ESRP2: variants seen among roughly 807,000 people sequenced by gnomAD.
ESRP2 encodes the protein RNA binding motif protein 35A.
A neutral mutation model predicts 78.6 loss-of-function variants in ESRP2; 48 were observed. The ratio of observed to expected loss-of-function variants is 0.61; its 90% CI spans 0.48 to 0.78. ESRP2 has a LOEUF of 0.78. ESRP2 is among the 30% of genes least tolerant of loss of function. ESRP2 has a pLI of 0.00. For synonymous variants in ESRP2, 383 were observed against 406.7 expected (o/e 0.94, Z 0.70); for missense variants, 863 against 965.9 (o/e 0.89, Z 1.41).
chr16:68,234,316 C>T (rs2042191582), intron 2 of ESRP2: 2 of 572,642 alleles, frequency 3.5e-6, no homozygotes, highest in Non-Finnish European at 6.2e-6. Flanking sequence ...ACTGTCACCT[C>T]CTCCAGGCCA....
Position 68,231,905 on chromosome 16 carries a change from A to G in ESRP2, c.1196T>C (p.Phe399Ser), listed in dbSNP as rs371881233. The change falls in exon 10 of 15, where the codon TTT (phenylalanine) becomes TCT (serine). Residue 399 changes from phenylalanine to serine, a missense_variant. Phe to Ser is a radical substitution (Grantham distance 155). Coordinates refer to ENST00000473183, the MANE Select transcript of ESRP2 (RefSeq NM_024939.3). The surrounding 1 kb of genome is among the most constrained non-coding windows in gnomAD (Gnocchi z 6.0). Reference protein sequence around the residue: ...GRPTGDAFALFACEELAQAAL... With the variant: ...GRPTGDAFALSACEELAQAAL... ...AGCCTGTGCCAGCTCCTCACAAGCA[A>G]AGAGGGCGAAGGCATCACCAGTCGG... The G allele has an allele frequency of 1.2e-6, 2 of 1,613,846 alleles. No homozygotes were observed. The highest frequency in any genetic ancestry group is 1.7e-6 in the Non-Finnish European group (2 of 1,179,996).
At chr16:68,230,606 C>T (rs775895529) in intron 13 of ESRP2, 52 bp from the exon 14 acceptor site, 24 of 1,517,084 alleles carry the variant, frequency 1.6e-5, no homozygotes, top group East Asian at 2.3e-5. Context: ...TGGCCTAGAC[C>T]GAGACCTGTT....
At position 68,235,622 on chromosome 16, in the gene ESRP2, C is replaced by G. The variant is rs528133731; in HGVS notation, c.327+12G>C. Reference sequence around the variant, plus strand: ...ACGTCCAGGCCATGCCGCCACCCACCCCGGCGCTCACCTGCTGCAGCACCT... The same window carrying G: ...ACGTCCAGGCCATGCCGCCACCCACGCCGGCGCTCACCTGCTGCAGCACCT... On this transcript the variant is annotated intron_variant, in intron 2 of 14. Transcript: ENST00000473183. The surrounding 1 kb of genome is among the most constrained non-coding windows in gnomAD (Gnocchi z 5.5). The G allele has an allele frequency of 2.1e-5, 34 of 1,596,808 alleles. No homozygotes were observed. In the East Asian group the frequency reaches 6.2e-4, roughly 29 times the overall value.
chr16:68,235,470 A>G lies in ESRP2; in HGVS notation c.327+164T>C, dbSNP rs563220103. On this transcript the variant is annotated intron_variant, in intron 2 of 14. Coordinates refer to ENST00000473183, the MANE Select transcript of ESRP2 (RefSeq NM_024939.3). This position sits in a 1 kb window ranked among gnomAD's most constrained non-coding sequence, Gnocchi z 5.5. ...GGGGAATGGCTGGCACGCGCGGATGAAAGGGGCACGCACACGCGAGAGTCG... is the reference window on the plus strand; with the variant it reads ...GGGGAATGGCTGGCACGCGCGGATGGAAGGGGCACGCACACGCGAGAGTCG... The G allele has an allele frequency of 2.0e-6, 2 of 985,444 alleles. No individual in the cohort carries two copies. The highest frequency in any genetic ancestry group is 2.3e-4 in the East Asian group (2 of 8,814). 61.0% of individuals were successfully genotyped at this position (985,444 alleles called of 1,614,324 possible).
At position 68,230,865 on chromosome 16, in the gene ESRP2, A is replaced by G. The variant is rs1194350974; in HGVS notation, c.1874T>C (p.Leu625Pro). The G allele has an allele frequency of 6.2e-7, 1 of 1,613,900 alleles. No homozygotes were observed. Among genetic ancestry groups the G allele is most frequent in the African/African-American group, 1.3e-5 (1 of 74,946 alleles). The change falls in exon 13 of 15, where the codon CTG becomes CCG. Residue 625 changes from leucine (L) to proline (P), a missense_variant. Physicochemically the swap from Leu to Pro is moderately conservative, Grantham distance 98. Transcript: ENST00000473183. Reference sequence around the variant, plus strand: ...CCTTGGGTAGTAGGCTGTGTAGTTCAGGTAGAGTTGAGTGGCTGGCCCTGG... The same window carrying G: ...CCTTGGGTAGTAGGCTGTGTAGTTCGGGTAGAGTTGAGTGGCTGGCCCTGG... ...YYPGPATQLY[L>P]NYTAYYPSPP...
chr16:68,232,636 C>A lies in ESRP2; in HGVS notation c.762G>T (p.Leu254Phe). The change falls in exon 7 of 15, where the codon TTG (leucine) becomes TTT (phenylalanine). Residue 254 changes from leucine to phenylalanine, a missense_variant. By Grantham distance (22) the Leu-to-Phe change is conservative. Coordinates refer to ENST00000473183, the MANE Select transcript of ESRP2 (RefSeq NM_024939.3). This position sits in a 1 kb window ranked among gnomAD's most constrained non-coding sequence, Gnocchi z 5.2. The part of the protein sequence containing the change: ...DSETVVRARG[L>F]PWQSSDQDVA... Reference sequence around the variant, plus strand: ...CGTCCTGGTCTGATGACTGCCACGGCAACCCACGAGCCCGTACCACAGTCT... The same window carrying A: ...CGTCCTGGTCTGATGACTGCCACGGAAACCCACGAGCCCGTACCACAGTCT... The A allele has an allele frequency of 6.2e-7, 1 of 1,614,228 alleles. No homozygotes were observed. The highest frequency in any genetic ancestry group is 8.5e-7 in the Non-Finnish European group (1 of 1,180,048).
rs142168544 is a variant in ESRP2 at position 68,231,331 on chromosome 16, G to T, written c.1558C>A (p.Arg520=). ...CAACGCTGAGCAGCAGCTAGGGCTC[G>T]CTCTGCTGATGTCATCTGAATGAAG... ...DAFIQMTSAE[R]ALAAAQRCHK... The change falls in exon 12 of 15, where the codon CGA becomes AGA. Residue 520 remains arginine, a synonymous_variant. Coordinates refer to ENST00000473183, the MANE Select transcript of ESRP2 (RefSeq NM_024939.3). The surrounding 1 kb of genome is among the most constrained non-coding windows in gnomAD (Gnocchi z 6.0). 23 of 1,614,128 alleles carry T rather than the reference G, an allele frequency of 1.4e-5. 1 individual carries two copies. The African/African-American group carries it at 2.3e-4, about 16-fold the overall frequency.
In ESRP2 at chr16:68,233,311, G is replaced by A. The variant is rs776521178; in HGVS notation, c.655+16C>T. 9 of 1,591,422 alleles carry A rather than the reference G, an allele frequency of 5.7e-6. No individual in the cohort carries two copies. The Admixed American group carries it at 1.5e-4, about 27-fold the overall frequency. The stretch of plus-strand genomic sequence containing the variant: ...CATCCCTGAGAACAGGTGACAGGCA[G>A]TGAGGGAAACCTTACTGCTGGGCTC... On this transcript the variant is annotated intron_variant, in intron 5 of 14. Transcript: ENST00000473183.
chr16:68,230,075 A>G lies in ESRP2; in HGVS notation c.*151T>C, dbSNP rs1490891566. The G allele has an allele frequency of 1.5e-6, 1 of 679,242 alleles. No homozygotes were observed. Among genetic ancestry groups the G allele is most frequent in the Non-Finnish European group, 2.6e-6 (1 of 386,306 alleles). The allele number at this position is 679,242 out of a possible 1,614,324, so 42.1% of individuals were successfully genotyped here. On this transcript the variant is annotated 3_prime_UTR_variant, in exon 15 of 15. Transcript: ENST00000473183. ...GGGAAACAGGCAGAATAAGTGGAGG[A>G]TGGAGCTGGGGCTTGGGCTCCTCTA...
Position 68,235,913 on chromosome 16 carries a change from GGTCCC to G in ESRP2, c.128_132del (p.Arg43ProfsTer17). The stretch of plus-strand genomic sequence containing the variant: ...ATTAAGTCGGTCTCGTCCGAGCCCA[GGTCCC>G]GTCCCAGCGCACCCGCCGTAGCCCC... On this transcript the variant is annotated frameshift_variant, in exon 1 of 15. Coordinates refer to ENST00000473183, the MANE Select transcript of ESRP2 (RefSeq NM_024939.3). LOFTEE classifies it high-confidence loss of function. This position sits in a 1 kb window ranked among gnomAD's most constrained non-coding sequence, Gnocchi z 5.5. 4 of 1,609,194 alleles carry G rather than the reference GGTCCC, an allele frequency of 2.5e-6. No homozygotes were observed. The highest frequency in any genetic ancestry group is 2.5e-6 in the Non-Finnish European group (3 of 1,178,610).
Position 68,232,447 on chromosome 16 carries a change from A to G in ESRP2, c.878T>C (p.Ile293Thr). The change falls in exon 8 of 15, where the codon ATC becomes ACC. Residue 293 changes from isoleucine to threonine, a missense_variant. Physicochemically the swap from Ile to Thr is moderately conservative, Grantham distance 89 (BLOSUM62 -1). Transcript: ENST00000473183. This position sits in a 1 kb window ranked among gnomAD's most constrained non-coding sequence, Gnocchi z 5.2. The part of the protein sequence containing the change: ...AQGRRNGEAL[I>T]RFVDSEQRDL... ...CCGCTGCTCGCTGTCCACAAAGCGGATGAGGGCCTCGCCATTTCTGCGGCC... is the reference window on the plus strand; with the variant it reads ...CCGCTGCTCGCTGTCCACAAAGCGGGTGAGGGCCTCGCCATTTCTGCGGCC... The G allele has an allele frequency of 6.2e-7, 1 of 1,614,162 alleles. No homozygotes were observed. The highest frequency in any genetic ancestry group is 8.5e-7 in the Non-Finnish European group (1 of 1,180,026).
At position 68,235,931 on chromosome 16, in the gene ESRP2, C is replaced by T; in HGVS notation, c.115G>A (p.Gly39Ser). The change falls in exon 1 of 15, where the codon GGT (glycine) becomes AGT (serine). Residue 39 changes from glycine to serine, a missense_variant. By Grantham distance (56) the Gly-to-Ser change is moderately conservative. Coordinates refer to ENST00000473183, the MANE Select transcript of ESRP2 (RefSeq NM_024939.3). This position sits in a 1 kb window ranked among gnomAD's most constrained non-coding sequence, Gnocchi z 5.5. ...GAGCCCAGGTCCCGTCCCAGCGCAC[C>T]CGCCGTAGCCCCGAAGAGGACGACC... ...SLVVLFGATA[G>S]ALGRDLGSDE... is the part of the protein sequence containing the mutation. The T allele has an allele frequency of 6.2e-7, 1 of 1,611,610 alleles. No individual in the cohort carries two copies. The highest frequency in any genetic ancestry group is 8.5e-7 in the Non-Finnish European group (1 of 1,179,508).
chr16:68,235,549 C>T lies in ESRP2; in HGVS notation c.327+85G>A. On this transcript the variant is annotated intron_variant, in intron 2 of 14. Transcript: ENST00000473183. The surrounding 1 kb of genome is among the most constrained non-coding windows in gnomAD (Gnocchi z 5.5). ...TGCCGCCTGGACCGGTTGGTTGCGG[C>T]ACGCCAGGCCTAGCCTCCGGCCGCC... 4.5e-6 allele frequency: 7 copies of T among 1,544,212 alleles called. No homozygotes were observed. Among genetic ancestry groups the T allele is most frequent in the East Asian group, 4.7e-5 (2 of 42,888 alleles).
At position 68,235,114 on chromosome 16, in the gene ESRP2, A is replaced by G; in HGVS notation, c.327+520T>C. The G allele has an allele frequency of 3.0e-6, 3 of 989,910 alleles. No individual in the cohort carries two copies. The highest frequency in any genetic ancestry group is 3.5e-5 in the African/African-American group (2 of 57,362). 61.3% of individuals were successfully genotyped at this position (989,910 alleles called of 1,614,324 possible). A position where few individuals can be genotyped will look rare whatever the true frequency, so the allele number is the denominator to read the frequency against. On this transcript the variant is annotated intron_variant, in intron 2 of 14. Coordinates refer to ENST00000473183, the MANE Select transcript of ESRP2 (RefSeq NM_024939.3). This position sits in a 1 kb window ranked among gnomAD's most constrained non-coding sequence, Gnocchi z 5.5. ...ATAGTCCCCCAGGCCAGGCCGGGAC[A>G]GCGCCCACGCCTGGCCAGCCGGCCG...
rs1282934757 is a variant in ESRP2 at position 68,232,765 on chromosome 16, G to GCC, written c.704_705dup (p.Pro236GlyfsTer43). ...AGCCCCTGCTCCCACACTCACCAAG[G>GCC]CCCCGTCTCGTATTTCTGCTTTATC... On this transcript the variant is annotated frameshift_variant, in exon 6 of 15. Coordinates refer to ENST00000473183, the MANE Select transcript of ESRP2 (RefSeq NM_024939.3). LOFTEE classifies it high-confidence loss of function. The surrounding 1 kb of genome is among the most constrained non-coding windows in gnomAD (Gnocchi z 5.2). The GCC allele has an allele frequency of 6.2e-7, 1 of 1,614,114 alleles. No homozygotes were observed. Among genetic ancestry groups the GCC allele is most frequent in the Non-Finnish European group, 8.5e-7 (1 of 1,180,054 alleles).
At position 68,229,985 on chromosome 16, in the gene ESRP2, A is replaced by G; in HGVS notation, c.*241T>C. On this transcript the variant is annotated 3_prime_UTR_variant, in exon 15 of 15. Transcript: ENST00000473183. The stretch of plus-strand genomic sequence containing the variant: ...CCAGTCAAGATGCCTGGCTCAGGCC[A>G]TCAGGAGCTGGTTAGCCCCATTCCA... 1.8e-6 allele frequency: 1 copy of G among 557,344 alleles called. No homozygotes were observed. The allele number at this position is 557,344 out of a possible 1,614,324, so 34.5% of individuals were successfully genotyped here. A position where few individuals can be genotyped will look rare whatever the true frequency, so the allele number is the denominator to read the frequency against.
At chr16:68,233,494 A>G (rs1284099208) in intron 4 of ESRP2, 69 bp from the exon 5 acceptor site, 10 of 1,178,198 alleles carry the variant, frequency 8.5e-6, no homozygotes, top group Non-Finnish European at 1.3e-5. Context: ...CCTGGGCCCA[A>G]CTCCCCTCCA....
Position 68,230,071 on chromosome 16 carries a change from G to A in ESRP2, c.*155C>T. 1 of 669,968 alleles carries A rather than the reference G, an allele frequency of 1.5e-6. No individual in the cohort carries two copies. The highest frequency in any genetic ancestry group is 3.8e-4 in the Middle Eastern group (1 of 2,616). The allele number at this position is 669,968 out of a possible 1,614,324, so 41.5% of individuals were successfully genotyped here. On this transcript the variant is annotated 3_prime_UTR_variant, in exon 15 of 15. Coordinates refer to ENST00000473183, the MANE Select transcript of ESRP2 (RefSeq NM_024939.3). ...TTGGGGGAAACAGGCAGAATAAGTG[G>A]AGGATGGAGCTGGGGCTTGGGCTCC...
At position 68,235,945 on chromosome 16, in the gene ESRP2, A is replaced by C; in HGVS notation, c.101T>G (p.Phe34Cys). The part of the protein sequence containing the change: ...CPWPGSLVVL[F>C]GATAGALGRD... ...TCCCAGCGCACCCGCCGTAGCCCCGAAGAGGACGACCAGTGATCCGGGCCA... is the reference window on the plus strand; with the variant it reads ...TCCCAGCGCACCCGCCGTAGCCCCGCAGAGGACGACCAGTGATCCGGGCCA... Residue 34 changes from phenylalanine (F) to cysteine (C), a missense_variant, in exon 1 of 15, where the codon TTC becomes TGC. By Grantham distance (205) the Phe-to-Cys change is radical (BLOSUM62 -2). Transcript: ENST00000473183. This position sits in a 1 kb window ranked among gnomAD's most constrained non-coding sequence, Gnocchi z 5.5. 6.2e-7 allele frequency: 1 copy of C among 1,611,434 alleles called. No homozygotes were observed. The highest frequency in any genetic ancestry group is 8.5e-7 in the Non-Finnish European group (1 of 1,179,432).
Sources: gnomAD v4.1 joint callset for allele counts on GRCh38, gnomAD v4.1.1 for gene constraint, Gnocchi (gnomAD v3.1) non-coding constraint, MANE v1.5 for transcripts, NCBI Gene and HGNC (gene_info 2026-07-23, HGNC 2026-07-21) for gene names.